The following NIBAN1 variants were observed in gnomAD, a reference collection of about 807,000 sequenced individuals.
The protein encoded by NIBAN1 is niban apoptosis regulator 1, also known as protein Niban 1.
A neutral mutation model predicts 75.1 loss-of-function variants in NIBAN1; 81 were observed. The observed-to-expected ratio is 1.08, with a 90% confidence interval of 0.90 to 1.30. The LOEUF (loss-of-function observed/expected upper bound fraction) is 1.30, where lower values mean the gene tolerates loss of function less well. NIBAN1 is among the 50% of genes most tolerant of loss of function. NIBAN1 has a pLI of 0.00. For synonymous variants in NIBAN1, 436 were observed against 424.8 expected (o/e 1.03, Z -0.32); for missense variants, 1,133 against 1,128.1 (o/e 1.00, Z -0.06).
chr1:184,972,033 T>A (rs993205777), intron 1 of NIBAN1, among the ~76,000 whole-genome samples: 1 of 152,160 alleles, frequency 6.6e-6, no homozygotes, highest in East Asian at 1.9e-4. Context: ...TGTCTTAAAG[T>A]AAAGGCTGAT....
intron 1 of NIBAN1, among the ~76,000 whole-genome samples, chr1:184,930,758 G>A (rs1016419081): frequency 3.2e-4 from 48 of 152,268 alleles, no homozygotes; most frequent in Middle Eastern, 3.4e-3. Flanking sequence ...AGGTATGGAT[G>A]CTCATGCATC....
chr1:184,940,333 G>A (rs1054815824), intron 1 of NIBAN1, among the ~76,000 whole-genome samples: 4 of 152,154 alleles, frequency 2.6e-5, no homozygotes, highest in African/African-American at 4.8e-5. Flanking sequence ...TAACAAATCA[G>A]TGATTGTAAA....
At chr1:184,908,290 A>T (rs944554417) in intron 1 of NIBAN1, among the ~76,000 whole-genome samples, 4 of 152,244 alleles carry the variant, frequency 2.6e-5, no homozygotes, top group Non-Finnish European at 5.9e-5. Context: ...AAGAGTATAT[A>T]TCAGCTCCAA....
In NIBAN1 at chr1:184,806,074, C is replaced by T. The variant is rs757920372; in HGVS notation, c.1336-18G>A. 2.5e-6 allele frequency: 4 copies of T among 1,603,306 alleles called. No individual in the cohort carries two copies. The highest frequency in any genetic ancestry group is 1.7e-5 in the Admixed American group (1 of 59,978). ...TCCATTAGCTAGAAACCAGAAGCGA[C>T]ACAGAAACAGACAACAGTCAGGGGC... On this transcript the variant is annotated intron_variant, in intron 10 of 13. Coordinates refer to ENST00000367511, the MANE Select transcript of NIBAN1 (RefSeq NM_052966.4).
intron 5 of NIBAN1, among the ~76,000 whole-genome samples, chr1:184,856,594 C>T (rs149344560): frequency 2.0e-5 from 3 of 152,316 alleles, no homozygotes; most frequent in East Asian, 3.9e-4. Context: ...TTCCTCCTAT[C>T]ACCTAATCAT....
chr1:184,871,462 G>A (rs551576955), intron 5 of NIBAN1, among the ~76,000 whole-genome samples: 1 of 151,806 alleles, frequency 6.6e-6, no homozygotes, highest in Non-Finnish European at 1.5e-5. Flanking sequence ...ATAAGCCAAG[G>A]AGAGAAGCCT....
intron 5 of NIBAN1, among the ~76,000 whole-genome samples, chr1:184,862,802 G>A (rs868663944): frequency 6.6e-6 from 1 of 151,094 alleles, no homozygotes; most frequent in Non-Finnish European, 1.5e-5. Context: ...ATTGATAATT[G>A]TATAGCCAAG....
At chr1:184,842,858 G>A (rs1655332001) in intron 5 of NIBAN1, among the ~76,000 whole-genome samples, 1 of 151,340 alleles carries the variant, frequency 6.6e-6, no homozygotes, top group African/African-American at 2.4e-5. Flanking sequence ...ATTTAAACAA[G>A]CTCTTCAGGT....
chr1:184,925,542 T>C (rs760484563), intron 1 of NIBAN1, among the ~76,000 whole-genome samples: 2 of 152,098 alleles, frequency 1.3e-5, no homozygotes, highest in Non-Finnish European at 2.9e-5. Flanking sequence ...TCCAGTGGTG[T>C]TTTTAATTTC....
chr1:184,865,701 C>T (rs1479428398), intron 5 of NIBAN1, among the ~76,000 whole-genome samples: 2 of 152,174 alleles, frequency 1.3e-5, no homozygotes, highest in Admixed American at 6.6e-5. Flanking sequence ...ACACATTTCA[C>T]TTTGTCTGGT....
intron 5 of NIBAN1, among the ~76,000 whole-genome samples, chr1:184,835,203 T>A (rs1040911748): frequency 6.6e-6 from 1 of 152,222 alleles, no homozygotes; most frequent in Admixed American, 6.5e-5. Context: ...TTGAGCTGTA[T>A]CTCTGTTTTG....
At chr1:184,886,153 C>G (rs1656519154) in intron 4 of NIBAN1, among the ~76,000 whole-genome samples, 1 of 152,184 alleles carries the variant, frequency 6.6e-6, no homozygotes. Context: ...AGTTCAAAAG[C>G]CACTCCTCTG....
At chr1:184,813,923 A>G (rs537024017) in intron 9 of NIBAN1, among the ~76,000 whole-genome samples, 1 of 152,232 alleles carries the variant, frequency 6.6e-6, no homozygotes, top group South Asian at 2.1e-4. Context: ...CAAGGTTTTT[A>G]CCAAAAGTAA....
intron 5 of NIBAN1, among the ~76,000 whole-genome samples, chr1:184,840,282 TA>T (rs1304211975): frequency 4.6e-5 from 7 of 152,218 alleles, no homozygotes; most frequent in Non-Finnish European, 1.0e-4. Flanking sequence ...TTATATTTTA[TA>T]AACTATAATA....
At chr1:184,845,588 T>G (rs1655416406) in intron 5 of NIBAN1, among the ~76,000 whole-genome samples, 2 of 151,926 alleles carry the variant, frequency 1.3e-5, no homozygotes, top group South Asian at 4.2e-4. Context: ...GAGACCCCCG[T>G]CTCTACAAAA....
chr1:184,882,780 T>A (rs534021938), intron 5 of NIBAN1, among the ~76,000 whole-genome samples: 1 of 152,304 alleles, frequency 6.6e-6, no homozygotes, highest in Non-Finnish European at 1.5e-5. Flanking sequence ...GTTCCTGTGC[T>A]GAGTGCCAAC....
At chr1:184,883,522 G>A (rs903249546) in intron 5 of NIBAN1, among the ~76,000 whole-genome samples, 2 of 152,196 alleles carry the variant, frequency 1.3e-5, no homozygotes, top group Admixed American at 1.3e-4. Context: ...GTGGAGTCCA[G>A]AAAAACCAGC....
chr1:184,830,778 G>C (rs1280741320), intron 6 of NIBAN1, among the ~76,000 whole-genome samples: 2 of 152,092 alleles, frequency 1.3e-5, no homozygotes, highest in Non-Finnish European at 2.9e-5. Context: ...GAGGCAGGGG[G>C]AATCACGAGG....
intron 1 of NIBAN1, among the ~76,000 whole-genome samples, chr1:184,910,011 T>C (rs1657200070): frequency 6.6e-6 from 1 of 152,160 alleles, no homozygotes; most frequent in Admixed American, 6.6e-5. Flanking sequence ...ATTGACTATG[T>C]AGATAGTACA....
Sources: gnomAD v4.1 joint callset for allele counts (sites outside exome capture counted in the v4.1 genomes callset) on GRCh38, gnomAD v4.1.1 for gene constraint, MANE v1.5 for transcripts, NCBI Gene and HGNC (gene_info 2026-07-23, HGNC 2026-07-21) for gene names.